ZUP1: variants seen among roughly 807,000 people sequenced by gnomAD.
ZUP1 encodes zinc finger-containing ubiquitin peptidase 1.
ZUP1 carries 55 observed loss-of-function variants against 68.1 expected under a neutral mutation model. The ratio of observed to expected loss-of-function variants is 0.81; its 90% CI spans 0.65 to 1.01. The LOEUF is 1.01. Among genes scored for constraint, ZUP1 ranks in the 50% least tolerant of loss-of-function variants. The pLI is 0.00. For missense variants in ZUP1, 684 were observed against 674.9 expected (o/e 1.01, Z -0.15); for synonymous variants, 223 against 221.5 (o/e 1.01, Z -0.06).
chr6:116,662,697 G>C (rs1776880605), intron 2 of ZUP1, among the ~76,000 whole-genome samples: 1 of 152,066 alleles, frequency 6.6e-6, no homozygotes, highest in African/African-American at 2.4e-5. Context: ...ACTAAAATCT[G>C]GTTGGTTCAT....
intron 9 of ZUP1, among the ~76,000 whole-genome samples, chr6:116,643,318 A>T (rs1000138104): frequency 2.0e-5 from 3 of 151,490 alleles, no homozygotes; most frequent in Non-Finnish European, 3.0e-5. Context: ...GACTTTCTTC[A>T]CAGAATTGGA....
chr6:116,659,456 G>A (rs1422119545), intron 3 of ZUP1, among the ~76,000 whole-genome samples: 1 of 152,006 alleles, frequency 6.6e-6, no homozygotes, highest in Non-Finnish European at 1.5e-5. Flanking sequence ...GCTGTGACAA[G>A]CACTTTTCAT....
intron 2 of ZUP1, 82 bp downstream of exon 2, chr6:116,666,552 T>A (rs1290720927): frequency 8.2e-7 from 1 of 1,222,484 alleles, no homozygotes; most frequent in African/African-American, 1.5e-5. Context: ...TGTAGTAAGC[T>A]GACTTACAAA....
At position 116,667,563 on chromosome 6, in the gene ZUP1, T is replaced by A. The variant is rs543886513; in HGVS notation, c.-15-356A>T. ...AAACCTATTTATCAACTGATATATC[T>A]AAATACTGAATACTGAAGCTGATTA... On this transcript the variant is annotated intron_variant, in intron 1 of 9. Coordinates refer to ENST00000368576, the MANE Select transcript of ZUP1 (RefSeq NM_145062.3). 3.9e-5 allele frequency among the ~76,000 whole-genome samples: 6 copies of A among 152,286 alleles called. No individual in the cohort carries two copies. In the South Asian group the frequency reaches 1.2e-3, roughly 32 times the overall value.
chr6:116,659,381 C>T (rs1776767717), intron 3 of ZUP1, among the ~76,000 whole-genome samples: 2 of 152,236 alleles, frequency 1.3e-5, no homozygotes, highest in Middle Eastern at 3.4e-3. Flanking sequence ...CCACCAGCCT[C>T]GGCCTCCCAA....
chr6:116,645,596 A>AAG, intron 9 of ZUP1, 118 bp downstream of exon 9: 1 of 804,352 alleles, frequency 1.2e-6, no homozygotes, highest in Non-Finnish European at 1.9e-6. Context: ...AAAAAAAAAA[A>AAG]AAAAAGAAAA....
intron 9 of ZUP1, among the ~76,000 whole-genome samples, chr6:116,644,140 T>C (rs1776212573): frequency 6.6e-6 from 1 of 152,164 alleles, no homozygotes; most frequent in Non-Finnish European, 1.5e-5. Context: ...CACAATGAGA[T>C]ACCATCTCAC....
intron 5 of ZUP1, among the ~76,000 whole-genome samples, chr6:116,654,959 A>T (rs1351579712): frequency 2.0e-5 from 3 of 152,132 alleles, no homozygotes. Context: ...AACGTTGAAG[A>T]TTTGCACGCC....
In ZUP1 at chr6:116,666,553, G is replaced by A; in HGVS notation, c.559+81C>T. On this transcript the variant is annotated intron_variant, in intron 2 of 9. Transcript: ENST00000368576. The stretch of plus-strand genomic sequence containing the variant: ...TTTCAAAACACATCTGTAGTAAGCT[G>A]ACTTACAAACCAACTTTTAAAATAC... The A allele has an allele frequency of 4.0e-6, 5 of 1,237,844 alleles. 1 individual carries two copies. Among genetic ancestry groups the A allele is most frequent in the Non-Finnish European group, 5.5e-6 (5 of 911,466 alleles). The allele number at this position is 1,237,844 out of a possible 1,614,324, so 76.7% of individuals were successfully genotyped here.
chr6:116,636,334 A>C (rs1775909559), intron 9 of ZUP1, among the ~76,000 whole-genome samples: 1 of 152,202 alleles, frequency 6.6e-6, no homozygotes, highest in South Asian at 2.1e-4. Flanking sequence ...AAGACATATC[A>C]AACCAAGCTA....
At chr6:116,637,793 T>G (rs908353102) in intron 9 of ZUP1, among the ~76,000 whole-genome samples, 3 of 152,232 alleles carry the variant, frequency 2.0e-5, no homozygotes, top group Non-Finnish European at 2.9e-5. Context: ...CTGGGCACGG[T>G]GGCTCACGCC....
intron 9 of ZUP1, among the ~76,000 whole-genome samples, chr6:116,640,402 T>C (rs1395134301): frequency 6.6e-6 from 1 of 151,920 alleles, no homozygotes; most frequent in Non-Finnish European, 1.5e-5. Flanking sequence ...TTACCAAAGC[T>C]GAAATGAAGG....
chr6:116,664,989 A>G (rs2114296110), intron 2 of ZUP1, among the ~76,000 whole-genome samples: 1 of 152,294 alleles, frequency 6.6e-6, no homozygotes, highest in East Asian at 1.9e-4. Context: ...AATTCAGAGT[A>G]AAGAATACTT....
At chr6:116,642,759 C>A (rs1776150263) in intron 9 of ZUP1, among the ~76,000 whole-genome samples, 1 of 151,980 alleles carries the variant, frequency 6.6e-6, no homozygotes, top group Admixed American at 6.6e-5. Flanking sequence ...TGGAAGCATT[C>A]CCTTTGAAAA....
intron 6 of ZUP1, 72 bp downstream of exon 6, chr6:116,651,932 G>T: frequency 1.3e-6 from 2 of 1,495,718 alleles, no homozygotes; most frequent in Middle Eastern, 1.8e-4. Flanking sequence ...GCTATTAATT[G>T]TGTATGCTAT....
chr6:116,659,902 A>G (rs1173609521), intron 3 of ZUP1, among the ~76,000 whole-genome samples: 1 of 152,114 alleles, frequency 6.6e-6, no homozygotes, highest in African/African-American at 2.4e-5. Context: ...TCACCCTTCC[A>G]TTCTTGGGGA....
chr6:116,651,827 G>T, intron 6 of ZUP1, 90 bp from the exon 7 acceptor site: 1 of 1,486,882 alleles, frequency 6.7e-7, no homozygotes, highest in Non-Finnish European at 9.1e-7. Flanking sequence ...GGAACTTTAC[G>T]GTTTTTAAGA....
At position 116,665,620 on chromosome 6, in the gene ZUP1, T is replaced by A. The variant is rs115086646; in HGVS notation, c.559+1014A>T. Among the ~76,000 whole-genome samples, 601 of 144,270 alleles carry A rather than the reference T, an allele frequency of 4.2e-3. 5 individuals carry two copies. The highest frequency in any genetic ancestry group is 0.015 in the African/African-American group (563 of 38,534). 94.6% of individuals were successfully genotyped at this position (144,270 alleles called of 152,430 possible). A position where few individuals can be genotyped will look rare whatever the true frequency, so the allele number is the denominator to read the frequency against. Reference sequence around the variant, plus strand: ...CAGGGTCTTATTCAGTCACCCAGAGTGGAGTGCGGAGTGCAGTAGTGTGAT... The same window carrying A: ...CAGGGTCTTATTCAGTCACCCAGAGAGGAGTGCGGAGTGCAGTAGTGTGAT... On this transcript the variant is annotated intron_variant, in intron 2 of 9. Coordinates refer to ENST00000368576, the MANE Select transcript of ZUP1 (RefSeq NM_145062.3).
chr6:116,639,355 C>G (rs1318537138), intron 9 of ZUP1, among the ~76,000 whole-genome samples: 1 of 152,346 alleles, frequency 6.6e-6, no homozygotes, highest in East Asian at 1.9e-4. Context: ...CAGCACACAG[C>G]TGGAGATCTG....
Sources: gnomAD v4.1 joint callset for allele counts (sites outside exome capture counted in the v4.1 genomes callset) on GRCh38, gnomAD v4.1.1 for gene constraint, MANE v1.5 for transcripts, NCBI Gene and HGNC (gene_info 2026-07-23, HGNC 2026-07-21) for gene names.